The following UBAP2L variants were observed in gnomAD, a reference collection of about 807,000 sequenced individuals.
The protein encoded by UBAP2L is ubiquitin-associated protein 2-like.
Under a neutral mutation model 130.6 loss-of-function variants are expected in UBAP2L, and 12 were observed. The ratio of observed to expected loss-of-function variants is 0.09; its 90% CI spans 0.06 to 0.15. UBAP2L has a LOEUF of 0.15. Among genes scored for constraint, UBAP2L ranks in the 10% least tolerant of loss-of-function variants. The probability of loss-of-function intolerance (pLI) is 1.00; values close to 1 mark genes in which losing one functional copy is unlikely to be tolerated. For synonymous variants in UBAP2L, 503 were observed against 524.7 expected (o/e 0.96, Z 0.57); for missense variants, 965 against 1,332.5 (o/e 0.72, Z 4.29).
intron 12 of UBAP2L, among the ~76,000 whole-genome samples, chr1:154,250,501 A>G (rs756521820): frequency 6.6e-6 from 1 of 152,124 alleles, no homozygotes; most frequent in Non-Finnish European, 1.5e-5. Flanking sequence ...AACTTGGACA[A>G]TTTGTGCATT....
At chr1:154,238,779 C>T (rs928569358) in intron 8 of UBAP2L, among the ~76,000 whole-genome samples, 1 of 151,668 alleles carries the variant, frequency 6.6e-6, no homozygotes, top group Non-Finnish European at 1.5e-5. Context: ...CTTGCTCTGT[C>T]ACTCAGGCTG....
At chr1:154,239,078 G>A (rs976925410) in intron 8 of UBAP2L, among the ~76,000 whole-genome samples, 2 of 151,774 alleles carry the variant, frequency 1.3e-5, no homozygotes, top group Non-Finnish European at 2.9e-5. Flanking sequence ...CTTCATGCAT[G>A]GTTTCTTTTT....
chr1:154,258,896 T>G, intron 20 of UBAP2L, 81 bp from the exon 21 acceptor site: 2 of 1,153,124 alleles, frequency 1.7e-6, no homozygotes, highest in Non-Finnish European at 1.3e-6. Flanking sequence ...AATGTTCTGT[T>G]GAATTAGCTT....
intron 3 of UBAP2L, among the ~76,000 whole-genome samples, chr1:154,228,140 G>A (rs1010711144): frequency 6.6e-6 from 1 of 151,820 alleles, no homozygotes; most frequent in East Asian, 1.9e-4. Context: ...GGGTGGTTCT[G>A]GAAAACCTGC....
chr1:154,263,738 T>C (rs1028208142), intron 24 of UBAP2L, among the ~76,000 whole-genome samples: 5 of 152,254 alleles, frequency 3.3e-5, no homozygotes, highest in Non-Finnish European at 7.3e-5. Context: ...TCCATGCTTA[T>C]GTTGCTTCAT....
intron 2 of UBAP2L, among the ~76,000 whole-genome samples, chr1:154,226,296 C>T (rs1214452536): frequency 2.0e-5 from 3 of 152,186 alleles, no homozygotes; most frequent in African/African-American, 7.2e-5. Context: ...CACCTTAGAG[C>T]ATTGCTCAAT....
chr1:154,241,865 G>A (rs1673715947), intron 9 of UBAP2L: 1 of 740,778 alleles, frequency 1.3e-6, no homozygotes, highest in Non-Finnish European at 1.6e-6. Flanking sequence ...GGCACCAGAA[G>A]TGGAGTTAGG....
intron 26 of UBAP2L, 103 bp from the exon 27 acceptor site, chr1:154,270,097 G>A (rs1684424621): frequency 7.2e-7 from 1 of 1,389,638 alleles, no homozygotes; most frequent in African/African-American, 1.4e-5. Context: ...TGAGGGGAAT[G>A]GGAGAGCAAG....
At chr1:154,223,123 A>C (rs199681514) in intron 1 of UBAP2L, among the ~76,000 whole-genome samples, 1 of 20,536 alleles carries the variant, frequency 4.9e-5, no homozygotes, top group Non-Finnish European at 7.3e-5. Flanking sequence ...ACTAGGTGGT[A>C]AAAATTTTCT....
In UBAP2L at chr1:154,234,847, G is replaced by C. The variant is rs565593162; in HGVS notation, c.448+88G>C. ...CCAGGGCCCTGCTAGTCAGGACCTA[G>C]GAACCATTATATTATCCTTTTGCTT... On this transcript the variant is annotated intron_variant, in intron 5 of 26. Transcript: ENST00000428931. The C allele has an allele frequency of 1.3e-3, 1,988 of 1,517,254 alleles. 16 individuals are homozygous for C. The highest frequency in any genetic ancestry group is 6.4e-3 in the South Asian group (530 of 83,206). 94.0% of individuals were successfully genotyped at this position (1,517,254 alleles called of 1,614,324 possible). A position where few individuals can be genotyped will look rare whatever the true frequency, so the allele number is the denominator to read the frequency against.
In UBAP2L at chr1:154,267,880, C is replaced by CTTTTTTTTTTTTTTTTTTTTTTTTTTT. The variant is rs869153080; in HGVS notation, c.2971-851_2971-850insTTTTTTTTTTTTTTTTTTTTTTTTTTT. On this transcript the variant is annotated intron_variant, in intron 25 of 26. Coordinates refer to ENST00000428931, the MANE Select transcript of UBAP2L (RefSeq NM_014847.4). Reference sequence around the variant, plus strand: ...TCCACATTCCATCCTCTTATTTGGTCTTTTTTTTTTTTTTTTTTTTTTTTT... The same window carrying CTTTTTTTTTTTTTTTTTTTTTTTTTTT: ...TCCACATTCCATCCTCTTATTTGGTCTTTTTTTTTTTTTTTTTTTTTTTTTTTTTTTTTTTTTTTTTTTTTTTTTTTT... Among the ~76,000 whole-genome samples, 19 of 52,084 alleles carry CTTTTTTTTTTTTTTTTTTTTTTTTTTT rather than the reference C, an allele frequency of 3.6e-4. 7 individuals are homozygous for CTTTTTTTTTTTTTTTTTTTTTTTTTTT. Among genetic ancestry groups the CTTTTTTTTTTTTTTTTTTTTTTTTTTT allele is most frequent in the Non-Finnish European group, 4.3e-4 (12 of 27,628 alleles). 34.2% of individuals were successfully genotyped at this position (52,084 alleles called of 152,430 possible).
In UBAP2L at chr1:154,261,633, T is replaced by C. The variant is rs143692272; in HGVS notation, c.2838T>C (p.Ser946=). The change falls in exon 24 of 27, where the codon AGT becomes AGC. Residue 946 remains serine, a synonymous_variant. Transcript: ENST00000428931. ...CCAAGCAGCATGGTGTGAATGTCAGTGTGAATGCATCGGCCACCCCTTTCC... is the reference window on the plus strand; with the variant it reads ...CCAAGCAGCATGGTGTGAATGTCAGCGTGAATGCATCGGCCACCCCTTTCC... The part of the protein sequence containing the change: ...TSSKQHGVNV[S]VNASATPFQQ... 46 of 1,614,134 alleles carry C rather than the reference T, an allele frequency of 2.8e-5. No individual in the cohort carries two copies. In the East Asian group the frequency reaches 9.8e-4, roughly 34 times the overall value.
chr1:154,236,852 T>G lies in UBAP2L; in HGVS notation c.591-172T>G, dbSNP rs181488204. On this transcript the variant is annotated intron_variant, in intron 7 of 26. Coordinates refer to ENST00000428931, the MANE Select transcript of UBAP2L (RefSeq NM_014847.4). ...TTAGATATATGTTGAGATTATACCA[T>G]GAAATTTTGGGTAGAGTGATAAGTG... is the stretch of plus-strand genomic sequence containing the variant. Among the ~76,000 whole-genome samples, 219 of 152,266 alleles carry G rather than the reference T, an allele frequency of 1.4e-3. 1 individual carries two copies. Among genetic ancestry groups the G allele is most frequent in the Middle Eastern group, 0.014 (4 of 294 alleles).
At chr1:154,261,528 G>A in intron 23 of UBAP2L, 64 bp from the exon 24 acceptor site, 1 of 1,505,572 alleles carries the variant, frequency 6.6e-7, no homozygotes, top group South Asian at 1.1e-5. Flanking sequence ...CCTGGAGCAG[G>A]ACAAGTGGGA....
At chr1:154,263,351 C>G in intron 24 of UBAP2L, 2 of 1,394,470 alleles carry the variant, frequency 1.4e-6, no homozygotes, top group East Asian at 2.7e-5. Flanking sequence ...TGTGTCTGAC[C>G]CTGTCTTACC....
intron 9 of UBAP2L, 85 bp downstream of exon 9, chr1:154,241,650 T>C: frequency 1.3e-6 from 2 of 1,580,340 alleles, no homozygotes; most frequent in East Asian, 2.3e-5. Flanking sequence ...TTTCTACCCC[T>C]CAAAATTCAC....
rs776870693 is a variant in UBAP2L, at chr1:154,259,973, C to T, written c.2522C>T (p.Thr841Ile). 4 of 1,614,220 alleles carry T rather than the reference C, an allele frequency of 2.5e-6. No individual in the cohort carries two copies. Among genetic ancestry groups the T allele is most frequent in the South Asian group, 1.1e-5 (1 of 91,086 alleles). ...GATTACTACAGCATCCCATTTCCCA[C>T]ACCCACTACTCCGCTGACTGGGAGG... ...PLDYYSIPFP[T>I]PTTPLTGRDG... Residue 841 changes from threonine (T) to isoleucine (I), a missense_variant, in exon 22 of 27, where the codon ACA becomes ATA. Thr to Ile is a moderately conservative substitution (Grantham distance 89). This residue lies in a region of UBAP2L where 194 missense variants were observed against 334.0 expected (regional missense o/e 0.58). Transcript: ENST00000428931.
chr1:154,221,412 C>G (rs1472109294), intron 1 of UBAP2L: 2 of 153,140 alleles, frequency 1.3e-5, no homozygotes, highest in Non-Finnish European at 2.9e-5. Context: ...GCTCTCTCTT[C>G]ACCCCGGCCG....
chr1:154,235,015 C>T (rs979334085), intron 5 of UBAP2L, among the ~76,000 whole-genome samples, 181 bp from the exon 6 acceptor site: 3 of 152,150 alleles, frequency 2.0e-5, no homozygotes, highest in African/African-American at 7.2e-5. Flanking sequence ...GGCACATTAC[C>T]ATTCCCTGAG....
Sources: gnomAD v4.1 joint callset for allele counts (sites outside exome capture counted in the v4.1 genomes callset) on GRCh38, gnomAD v4.1.1 for gene constraint, gnomAD v4.1.1 regional missense constraint, MANE v1.5 for transcripts, NCBI Gene and HGNC (gene_info 2026-07-23, HGNC 2026-07-21) for gene names.